The following ARHGEF28 variants were observed in gnomAD, a reference collection of about 807,000 sequenced individuals.
The protein encoded by ARHGEF28 is Rho guanine nucleotide exchange factor 28.
ARHGEF28 carries 152 observed loss-of-function variants against 206.6 expected under a neutral mutation model. The observed-to-expected ratio is 0.74, with a 90% CI of 0.64 to 0.84. The LOEUF (loss-of-function observed/expected upper bound fraction) is 0.84, where lower values mean the gene tolerates loss of function less well. Among genes scored for constraint, ARHGEF28 ranks in the 40% least tolerant of loss-of-function variants. ARHGEF28 has a pLI of 0.00. For missense variants in ARHGEF28, 2,028 were observed against 2,073.2 expected, an observed-to-expected ratio of 0.98 and a Z score of 0.42; for synonymous variants, 763 against 776.4, an observed-to-expected ratio of 0.98 and a Z score of 0.29.
At chr5:73,887,431 C>T in intron 25 of ARHGEF28, 172 bp from the exon 26 acceptor site, 1 of 527,990 alleles carries the variant, frequency 1.9e-6, no homozygotes, top group South Asian at 3.2e-5. Context: ...AACATGCACA[C>T]TTAAAGACAG....
At chr5:73,733,035 A>T (rs550508692) in intron 2 of ARHGEF28, among the ~76,000 whole-genome samples, 20 of 152,266 alleles carry the variant, frequency 1.3e-4, no homozygotes, top group Non-Finnish European at 1.6e-4. Flanking sequence ...GGTGGTGTTT[A>T]GTTACATGAA....
chr5:73,893,601 C>T (rs1357345436), intron 28 of ARHGEF28, among the ~76,000 whole-genome samples: 2 of 152,210 alleles, frequency 1.3e-5, no homozygotes, highest in Non-Finnish European at 2.9e-5. Flanking sequence ...TCAGCACTGT[C>T]ATGTCAATGA....
intron 35 of ARHGEF28, among the ~76,000 whole-genome samples, chr5:73,932,800 CTTTTTTTTTTTTT>C (rs386404110): frequency 6.8e-5 from 5 of 73,422 alleles, no homozygotes; most frequent in Non-Finnish European, 1.2e-4. Flanking sequence ...TTTCCTATTT[CTTTTTTTTTTTTT>C]TTTTTTTTTT....
chr5:73,930,922 C>T (rs545080612), intron 35 of ARHGEF28, among the ~76,000 whole-genome samples: 47 of 152,278 alleles, frequency 3.1e-4, no homozygotes, highest in Admixed American at 5.9e-4. Flanking sequence ...CAGGGCCATC[C>T]CTTCTCTCTC....
At chr5:73,819,180 T>G (rs1221203321) in intron 9 of ARHGEF28, among the ~76,000 whole-genome samples, 1 of 152,214 alleles carries the variant, frequency 6.6e-6, no homozygotes, top group Non-Finnish European at 1.5e-5. Flanking sequence ...CCTAGCCTTG[T>G]GGCCTGTTGA....
intron 1 of ARHGEF28, among the ~76,000 whole-genome samples, chr5:73,630,209 A>C (rs1743275605): frequency 1.3e-5 from 2 of 152,224 alleles, no homozygotes; most frequent in Non-Finnish European, 2.9e-5. Context: ...TTAGCTTTTC[A>C]ATTCATTATC....
chr5:73,919,199 G>A (rs988767680), intron 35 of ARHGEF28, among the ~76,000 whole-genome samples: 4 of 152,232 alleles, frequency 2.6e-5, no homozygotes, highest in South Asian at 2.1e-4. Context: ...TTCAGGGGTC[G>A]CCTGCCAACA....
At chr5:73,683,248 G>C (rs1165015236) in intron 1 of ARHGEF28, among the ~76,000 whole-genome samples, 1 of 152,150 alleles carries the variant, frequency 6.6e-6, no homozygotes, top group African/African-American at 2.4e-5. Context: ...TAGGCCAGTA[G>C]TGTTAAGTAT....
chr5:73,833,705 G>A (rs1420495067), intron 10 of ARHGEF28, among the ~76,000 whole-genome samples: 3 of 152,112 alleles, frequency 2.0e-5, no homozygotes, highest in Admixed American at 6.6e-5. Context: ...AAAGAAAAGA[G>A]GTTTAATTGA....
chr5:73,672,324 T>A (rs147779242), intron 1 of ARHGEF28, among the ~76,000 whole-genome samples: 6 of 152,326 alleles, frequency 3.9e-5, no homozygotes, highest in Non-Finnish European at 5.9e-5. Flanking sequence ...AAAGATAGCA[T>A]GTCCTTATCT....
chr5:73,776,819 A>G, intron 6 of ARHGEF28, 123 bp downstream of exon 6: 2 of 784,120 alleles, frequency 2.6e-6, no homozygotes, highest in East Asian at 2.6e-5. Flanking sequence ...CTTGGGGGAC[A>G]TGAAATTGGA....
intron 9 of ARHGEF28, among the ~76,000 whole-genome samples, chr5:73,803,814 CA>C (rs140495429): frequency 0.053 from 8,110 of 152,174 alleles, 283 homozygotes; most frequent in African/African-American, 0.095. Flanking sequence ...GGGCTGGGTG[CA>C]GTGCCTCACG....
At position 73,794,296 on chromosome 5, in the gene ARHGEF28, G is replaced by A. The variant is rs187478758; in HGVS notation, c.911-106G>A. On this transcript the variant is annotated intron_variant, in intron 7 of 35. Coordinates refer to ENST00000513042, the MANE Select transcript of ARHGEF28 (RefSeq NM_001177693.2). ...AGGCCTAATCTAAAAACCTATCTCTGTGCAGAAGGCTCCTGGGCAACTCAT... is the reference window on the plus strand; with the variant it reads ...AGGCCTAATCTAAAAACCTATCTCTATGCAGAAGGCTCCTGGGCAACTCAT... 2.4e-4 allele frequency: 211 copies of A among 869,996 alleles called. 2 individuals are homozygous for A. In the African/African-American group the frequency reaches 3.0e-3, roughly 13 times the overall value. The allele number at this position is 869,996 out of a possible 1,614,324, so 53.9% of individuals were successfully genotyped here.
chr5:73,664,777 T>A (rs956731450), intron 1 of ARHGEF28, among the ~76,000 whole-genome samples: 1 of 152,198 alleles, frequency 6.6e-6, no homozygotes, highest in Non-Finnish European at 1.5e-5. Flanking sequence ...AACTACTATG[T>A]CAGATCAAAA....
chr5:73,879,075 A>T (rs1641765319), intron 22 of ARHGEF28, among the ~76,000 whole-genome samples: 1 of 152,124 alleles, frequency 6.6e-6, no homozygotes, highest in African/African-American at 2.4e-5. Flanking sequence ...GCAGACGCAG[A>T]TTTGGTCTTT....
intron 27 of ARHGEF28, 46 bp from the exon 28 acceptor site, chr5:73,893,151 C>T: frequency 2.8e-6 from 4 of 1,432,702 alleles, no homozygotes; most frequent in Non-Finnish European, 3.7e-6. Flanking sequence ...TCTACAGATA[C>T]TTGCATTTGG....
At chr5:73,707,868 T>C (rs1421452538) in intron 2 of ARHGEF28, among the ~76,000 whole-genome samples, 2 of 152,132 alleles carry the variant, frequency 1.3e-5, no homozygotes, top group East Asian at 1.9e-4. Flanking sequence ...CTCTGGAAAA[T>C]AGAAGTTGAT....
intron 1 of ARHGEF28, among the ~76,000 whole-genome samples, chr5:73,682,611 C>T (rs1470074397): frequency 6.6e-6 from 1 of 152,092 alleles, no homozygotes; most frequent in Non-Finnish European, 1.5e-5. Context: ...GGGGTTTCAC[C>T]ATATTGGTCA....
intron 10 of ARHGEF28, among the ~76,000 whole-genome samples, chr5:73,839,395 C>T (rs975960563): frequency 1.3e-5 from 2 of 152,182 alleles, no homozygotes. Flanking sequence ...AGGATTCTAA[C>T]ATTTCCCCTT....
Sources: gnomAD v4.1 joint callset for allele counts (sites outside exome capture counted in the v4.1 genomes callset) on GRCh38, gnomAD v4.1.1 for gene constraint, MANE v1.5 for transcripts, NCBI Gene and HGNC (gene_info 2026-07-23, HGNC 2026-07-21) for gene names.